The following KLHL2 variants were observed in gnomAD, a reference collection of about 807,000 sequenced individuals.
The protein encoded by KLHL2 is kelch-like protein 2.
Under a neutral mutation model 75.8 loss-of-function variants are expected in KLHL2, and 15 were observed. The ratio of observed to expected loss-of-function variants is 0.20; its 90% CI spans 0.13 to 0.30. The LOEUF (loss-of-function observed/expected upper bound fraction) is 0.30, where lower values mean the gene tolerates loss of function less well. KLHL2 is among the 10% of genes least tolerant of loss of function. The pLI, the probability that KLHL2 is intolerant of heterozygous loss-of-function variation, is 1.00. For synonymous variants in KLHL2, 214 were observed against 251.9 expected, an observed-to-expected ratio of 0.85 and a Z score of 1.42; for missense variants, 381 against 741.0, an observed-to-expected ratio of 0.51 and a Z score of 5.64.
At chr4:165,236,623 A>G (rs947394929) in intron 3 of KLHL2, among the ~76,000 whole-genome samples, 2 of 152,236 alleles carry the variant, frequency 1.3e-5, no homozygotes, top group African/African-American at 4.8e-5. Context: ...TAAGGTAATA[A>G]TGTAACAACT....
Position 165,269,226 on chromosome 4 carries a change from C to T in KLHL2, c.544+5867C>T, listed in dbSNP as rs1742484837. Among the ~76,000 whole-genome samples the T allele has an allele frequency of 3.9e-5, 6 of 152,026 alleles. No individual in the cohort carries two copies. The South Asian group carries it at 8.3e-4, about 21-fold the overall frequency. ...GTGTCTTTGCATGTGAGATGGGTCT[C>T]GTGAATGCAGCACACTGATGGGTCT... is the stretch of plus-strand genomic sequence containing the variant. On this transcript the variant is annotated intron_variant, in intron 5 of 14. Transcript: ENST00000226725.
intron 12 of KLHL2, 78 bp downstream of exon 12, chr4:165,313,444 A>G (rs1746355675): frequency 7.9e-7 from 1 of 1,270,636 alleles, no homozygotes; most frequent in Admixed American, 2.8e-5. Flanking sequence ...CAGTGGCATC[A>G]CTTTACATTA....
chr4:165,296,750 T>C (rs942158028), intron 6 of KLHL2, among the ~76,000 whole-genome samples: 4 of 152,208 alleles, frequency 2.6e-5, no homozygotes, highest in Admixed American at 1.3e-4. Flanking sequence ...GAAGGCCGAC[T>C]ATCTTGTTCA....
Position 165,322,196 on chromosome 4 carries a change from T to A in KLHL2, c.*136T>A, listed in dbSNP as rs1747036840. The A allele has an allele frequency of 3.7e-6, 3 of 814,824 alleles. No homozygotes were observed. In the Admixed American group the frequency reaches 6.1e-5, roughly 17 times the overall value. 50.5% of individuals were successfully genotyped at this position (814,824 alleles called of 1,614,324 possible). A position where few individuals can be genotyped will look rare whatever the true frequency, so the allele number is the denominator to read the frequency against. On this transcript the variant is annotated 3_prime_UTR_variant, in exon 15 of 15. Coordinates refer to ENST00000226725, the MANE Select transcript of KLHL2 (RefSeq NM_007246.4). ...CAGCAGAAGATACGATCGTCTGCCT[T>A]TATAGGCCTCAGATACTGAAGATTA... is the stretch of plus-strand genomic sequence containing the variant.
At chr4:165,279,752 G>C in intron 5 of KLHL2, 1 of 834,104 alleles carries the variant, frequency 1.2e-6, no homozygotes, top group Non-Finnish European at 2.1e-6. Flanking sequence ...GCGCGAGTCC[G>C]CTGAACTAGC....
At chr4:165,232,571 G>T (rs1403690837) in intron 3 of KLHL2, among the ~76,000 whole-genome samples, 1 of 151,712 alleles carries the variant, frequency 6.6e-6, no homozygotes, top group African/African-American at 2.4e-5. Flanking sequence ...TCTCTAAAAA[G>T]ATTTTTAAAA....
intron 11 of KLHL2, among the ~76,000 whole-genome samples, chr4:165,311,809 CTGTGTGTGTGTGTGTGTG>C (rs60870309): frequency 2.8e-5 from 4 of 144,790 alleles, no homozygotes; most frequent in African/African-American, 1.0e-4. Context: ...TCCTTTCTCT[CTGTGTGTGTGTGTGTGTG>C]TGTGTGTGTG....
intron 4 of KLHL2, among the ~76,000 whole-genome samples, chr4:165,246,177 G>A (rs1282466193): frequency 6.6e-6 from 1 of 152,126 alleles, no homozygotes; most frequent in Non-Finnish European, 1.5e-5. Context: ...ATTCCAAGCA[G>A]CAGGAGCAAA....
chr4:165,236,649 T>C (rs1176668310), intron 3 of KLHL2, among the ~76,000 whole-genome samples: 2 of 152,222 alleles, frequency 1.3e-5, no homozygotes, highest in African/African-American at 4.8e-5. Flanking sequence ...TAGATATAAA[T>C]AACTTTTACA....
intron 14 of KLHL2, 124 bp from the exon 15 acceptor site, chr4:165,321,908 G>A (rs1747013059): frequency 1.2e-6 from 1 of 856,336 alleles, no homozygotes; most frequent in Non-Finnish European, 1.9e-6. Flanking sequence ...TTAAGAAAGA[G>A]ATTCTGAAAC....
At chr4:165,283,824 T>C (rs1743877266) in intron 5 of KLHL2, among the ~76,000 whole-genome samples, 1 of 152,248 alleles carries the variant, frequency 6.6e-6, no homozygotes, top group Non-Finnish European at 1.5e-5. Flanking sequence ...AGCAAACTTC[T>C]GCCTGGGCAT....
chr4:165,234,601 C>T (rs1345879354), intron 3 of KLHL2, among the ~76,000 whole-genome samples: 1 of 148,550 alleles, frequency 6.7e-6, no homozygotes, highest in Non-Finnish European at 1.5e-5. Context: ...GATTAAAGAT[C>T]CTTGAGTTGG....
intron 5 of KLHL2, among the ~76,000 whole-genome samples, chr4:165,271,005 A>G (rs1437918436): frequency 6.6e-6 from 1 of 152,176 alleles, no homozygotes; most frequent in East Asian, 1.9e-4. Flanking sequence ...ATTGGTCTAC[A>G]TATCTACTTA....
chr4:165,311,495 G>T lies in KLHL2; in HGVS notation c.1269G>T (p.Lys423Asn). Residue 423 changes from lysine (K) to asparagine (N), a missense_variant, in exon 11 of 15, where the codon AAG becomes AAT. By Grantham distance (94) the Lys-to-Asn change is moderately conservative. Transcript: ENST00000226725. Reference protein sequence around the residue: ...GLSSVEAYNIKSNEWFHVAPM... With the variant: ...GLSSVEAYNINSNEWFHVAPM... Reference sequence around the variant, plus strand: ...CATCTGTGGAAGCATACAACATAAAGTCTAATGAGTGGTTTCATGTAGCTC... The same window carrying T: ...CATCTGTGGAAGCATACAACATAAATTCTAATGAGTGGTTTCATGTAGCTC... The T allele has an allele frequency of 1.2e-6, 2 of 1,613,722 alleles. No homozygotes were observed. The highest frequency in any genetic ancestry group is 1.7e-6 in the Non-Finnish European group (2 of 1,179,718).
intron 4 of KLHL2, among the ~76,000 whole-genome samples, chr4:165,255,401 T>G (rs554285800): frequency 6.6e-6 from 1 of 152,076 alleles, no homozygotes; most frequent in South Asian, 2.1e-4. Context: ...AGGGGGAGGT[T>G]GTTTTTGTTT....
chr4:165,233,892 G>C (rs1488059534), intron 3 of KLHL2, among the ~76,000 whole-genome samples: 1 of 152,176 alleles, frequency 6.6e-6, no homozygotes, highest in Non-Finnish European at 1.5e-5. Flanking sequence ...AAGAAAGCAG[G>C]CTGGGCACCA....
At chr4:165,264,965 G>A (rs1742129830) in intron 5 of KLHL2, among the ~76,000 whole-genome samples, 1 of 151,344 alleles carries the variant, frequency 6.6e-6, no homozygotes, top group African/African-American at 2.4e-5. Flanking sequence ...GTTTTCCATA[G>A]AGGTTGTACG....
At chr4:165,214,821 A>T (rs1737426296) in intron 1 of KLHL2, among the ~76,000 whole-genome samples, 1 of 152,040 alleles carries the variant, frequency 6.6e-6, no homozygotes, top group Admixed American at 6.6e-5. Context: ...TTTTAACTAT[A>T]TATGTTTAAA....
At chr4:165,320,679 T>G (rs1194823540) in intron 14 of KLHL2, among the ~76,000 whole-genome samples, 1 of 152,176 alleles carries the variant, frequency 6.6e-6, no homozygotes. Context: ...AATATATCAT[T>G]GTTATAGAAA....
Sources: allele counts gnomAD v4.1 joint callset (sites outside exome capture counted in the v4.1 genomes callset), GRCh38; gene constraint gnomAD v4.1.1; transcripts MANE v1.5; gene names NCBI Gene and HGNC (gene_info 2026-07-23, HGNC 2026-07-21).